FERMT2: variants seen among roughly 807,000 people sequenced by gnomAD.
FERMT2 encodes fermitin family homolog 2.
FERMT2 carries 15 observed loss-of-function variants against 82.7 expected under a neutral mutation model. The ratio of observed to expected loss-of-function variants is 0.18; its 90% CI spans 0.12 to 0.28. FERMT2 has a LOEUF of 0.28. FERMT2 is among the 10% of genes least tolerant of loss of function. FERMT2 has a pLI of 1.00. For synonymous variants in FERMT2, 274 were observed against 271.5 expected (o/e 1.01, Z -0.09); for missense variants, 645 against 809.4 (o/e 0.80, Z 2.46).
At chr14:52,908,125 G>T (rs8019585) in intron 3 of FERMT2, among the ~76,000 whole-genome samples, 1 of 151,962 alleles carries the variant, frequency 6.6e-6, no homozygotes, top group Admixed American at 6.6e-5. Flanking sequence ...AGGGTAATGC[G>T]AATTAAAGCC....
At chr14:52,858,933 G>C in intron 14 of FERMT2, 1 of 167,080 alleles carries the variant, frequency 6.0e-6, no homozygotes, top group Non-Finnish European at 1.3e-5. Flanking sequence ...TCACGTTTGA[G>C]TATTTCAGAA....
At chr14:52,916,790 G>C (rs1190672957) in intron 3 of FERMT2, among the ~76,000 whole-genome samples, 1 of 152,048 alleles carries the variant, frequency 6.6e-6, no homozygotes, top group Non-Finnish European at 1.5e-5. Context: ...GAGGACAGAG[G>C]GTATGTGGGA....
chr14:52,897,976 CAAAAAAAA>C (rs71125145), intron 3 of FERMT2, among the ~76,000 whole-genome samples: 5 of 93,492 alleles, frequency 5.3e-5, no homozygotes, highest in Non-Finnish European at 5.7e-5. Context: ...AACTCCGTCT[CAAAAAAAA>C]AAAAAAAAAA....
chr14:52,880,401 T>C (rs931643573), intron 6 of FERMT2, among the ~76,000 whole-genome samples: 1 of 152,092 alleles, frequency 6.6e-6, no homozygotes. Context: ...TTGCCAATTC[T>C]TTTTTTTGTT....
rs1887059724 is a variant in FERMT2, at chr14:52,893,300, A to G, written c.519T>C (p.Pro173=). The G allele has an allele frequency of 1.2e-6, 2 of 1,604,906 alleles. No homozygotes were observed. Among genetic ancestry groups the G allele is most frequent in the Non-Finnish European group, 1.7e-6 (2 of 1,177,674 alleles). ...ALELEGPLIT[P]GSGSIYSSPG... ...GCTTGGTAAAAGTCTTACCTGATCC[A>G]GGAGTGATAAGAGGCCCCTCTAATT... The change falls in exon 4 of 15, where the codon CCT becomes CCC. Residue 173 remains proline (P), a synonymous_variant. Coordinates refer to ENST00000341590, the MANE Select transcript of FERMT2 (RefSeq NM_006832.3).
At chr14:52,867,581 C>T (rs1005964777) in intron 10 of FERMT2, among the ~76,000 whole-genome samples, 1 of 152,098 alleles carries the variant, frequency 6.6e-6, no homozygotes, top group African/African-American at 2.4e-5. Context: ...ACATTACAGA[C>T]AACCATTGCA....
intron 4 of FERMT2, among the ~76,000 whole-genome samples, chr14:52,890,388 G>A (rs541785412): frequency 9.1e-4 from 135 of 147,660 alleles, no homozygotes; most frequent in African/African-American, 3.2e-3. Context: ...AGGTTGCAGT[G>A]AGCCGAGATC....
intron 2 of FERMT2, among the ~76,000 whole-genome samples, chr14:52,945,200 C>G (rs1055558276): frequency 1.3e-4 from 19 of 151,930 alleles, no homozygotes; most frequent in Admixed American, 2.6e-4. Flanking sequence ...CGTAAGTTAC[C>G]GCACCCAGCC....
At chr14:52,947,511 A>C (rs1287974122) in intron 2 of FERMT2, among the ~76,000 whole-genome samples, 1 of 152,116 alleles carries the variant, frequency 6.6e-6, no homozygotes, top group Non-Finnish European at 1.5e-5. Context: ...TAAATAAATA[A>C]ATGAGACTTT....
chr14:52,872,959 G>A, intron 9 of FERMT2, 36 bp from the exon 10 acceptor site: 3 of 1,601,860 alleles, frequency 1.9e-6, no homozygotes, highest in South Asian at 1.1e-5. Flanking sequence ...AAAATCACTT[G>A]GAAGTAACTT....
rs919679945 is a variant in FERMT2, at chr14:52,933,526, C to T, written c.158-14170G>A. Among the ~76,000 whole-genome samples, 12 of 151,790 alleles carry T rather than the reference C, an allele frequency of 7.9e-5. No homozygotes were observed. In the East Asian group the frequency reaches 1.7e-3, roughly 22 times the overall value. ...GGGAGTTCGAGACCAGCCTGACCAA[C>T]ATGGAGAAACCTCGTCTCTACTAAA... On this transcript the variant is annotated intron_variant, in intron 2 of 14. Transcript: ENST00000341590.
intron 4 of FERMT2, among the ~76,000 whole-genome samples, chr14:52,890,315 ACG>A (rs1368871674): frequency 2.0e-5 from 3 of 148,702 alleles, no homozygotes; most frequent in Non-Finnish European, 4.5e-5. Flanking sequence ...GTGGTGATGC[ACG>A]CCTGTAATCC....
At chr14:52,891,864 G>C (rs914001121) in intron 4 of FERMT2, among the ~76,000 whole-genome samples, 1 of 152,192 alleles carries the variant, frequency 6.6e-6, no homozygotes, top group Non-Finnish European at 1.5e-5. Context: ...TAGCCACTTA[G>C]CTTCCCAACA....
intron 2 of FERMT2, among the ~76,000 whole-genome samples, chr14:52,943,286 T>C (rs1275694217): frequency 6.6e-6 from 1 of 152,160 alleles, no homozygotes; most frequent in Non-Finnish European, 1.5e-5. Context: ...AAACAATGTC[T>C]TAAAAGACCA....
chr14:52,937,736 T>C (rs1889908424), intron 2 of FERMT2, among the ~76,000 whole-genome samples: 1 of 152,172 alleles, frequency 6.6e-6, no homozygotes. Flanking sequence ...TATACCTCTA[T>C]AACCTACCAA....
intron 7 of FERMT2, among the ~76,000 whole-genome samples, chr14:52,876,966 A>G (rs1885995571): frequency 6.6e-6 from 1 of 152,172 alleles, no homozygotes; most frequent in South Asian, 2.1e-4. Context: ...CTATGGTTTG[A>G]GACCATTCCA....
intron 2 of FERMT2, among the ~76,000 whole-genome samples, chr14:52,932,855 T>C (rs1483850818): frequency 6.6e-6 from 1 of 152,170 alleles, no homozygotes; most frequent in Admixed American, 6.5e-5. Context: ...AACAGTGCAA[T>C]CTACAACACT....
chr14:52,869,834 C>G (rs956166345), intron 10 of FERMT2, among the ~76,000 whole-genome samples: 7 of 152,242 alleles, frequency 4.6e-5, no homozygotes, highest in Admixed American at 3.9e-4. Flanking sequence ...TGTTACTCCC[C>G]CTGAAGACCT....
Position 52,919,266 on chromosome 14 carries a change from C to A in FERMT2, c.248G>T (p.Gly83Val). 1 of 1,614,044 alleles carries A rather than the reference C, an allele frequency of 6.2e-7. No individual in the cohort carries two copies. The highest frequency in any genetic ancestry group is 8.5e-7 in the Non-Finnish European group (1 of 1,179,980). The stretch of plus-strand genomic sequence containing the variant: ...CTGAAGCTTAGCATCTGCCTGAATA[C>A]CATACTTATCTAAGGTCCAATGTGT... ...LKTHWTLDKYGIQADAKLQFT... is the reference protein window; with the variant it reads ...LKTHWTLDKYVIQADAKLQFT... Residue 83 changes from glycine (G) to valine (V), a missense_variant, in exon 3 of 15, where the codon GGT becomes GTT. Physicochemically the swap from Gly to Val is moderately radical, Grantham distance 109. Coordinates refer to ENST00000341590, the MANE Select transcript of FERMT2 (RefSeq NM_006832.3).
Sources: gnomAD v4.1 joint callset for allele counts (sites outside exome capture counted in the v4.1 genomes callset) on GRCh38, gnomAD v4.1.1 for gene constraint, MANE v1.5 for transcripts, NCBI Gene and HGNC (gene_info 2026-07-23, HGNC 2026-07-21) for gene names.